CHSY3: variants seen among roughly 807,000 people sequenced by gnomAD.
The protein encoded by CHSY3 is chondroitin sulfate synthase 3, also known as N-acetylgalactosaminyl-proteoglycan 3-beta-glucuronosyltransferase 3.
A neutral mutation model predicts 67.2 loss-of-function variants in CHSY3; 35 were observed. The observed-to-expected ratio is 0.52, with a 90% CI of 0.40 to 0.69. The LOEUF (loss-of-function observed/expected upper bound fraction) is 0.69. Among genes scored for constraint, CHSY3 ranks in the 30% least tolerant of loss-of-function variants. The probability of loss-of-function intolerance (pLI) is 0.00; values close to 1 mark genes in which losing one functional copy is unlikely to be tolerated. For missense variants in CHSY3, 1,069 were observed against 1,138.5 expected (o/e 0.94, Z 0.88); for synonymous variants, 474 against 434.7 (o/e 1.09, Z -1.12).
Position 130,009,838 on chromosome 5 carries a change from C to T in CHSY3, c.1086+101478C>T, listed in dbSNP as rs1763996108. Among the ~76,000 whole-genome samples, 3 of 151,984 alleles carry T rather than the reference C, an allele frequency of 2.0e-5. No homozygotes were observed. The South Asian group carries it at 6.2e-4, about 31-fold the overall frequency. ...GAAAACATGAGGAAAGGTAGCTGTT[C>T]TAATTTCAGACAAAACAGATTTCAA... is the stretch of plus-strand genomic sequence containing the variant. On this transcript the variant is annotated intron_variant, in intron 2 of 2. Coordinates refer to ENST00000305031, the MANE Select transcript of CHSY3 (RefSeq NM_175856.5).
chr5:130,041,162 G>T (rs1018780867), intron 2 of CHSY3, among the ~76,000 whole-genome samples: 1 of 152,026 alleles, frequency 6.6e-6, no homozygotes, highest in African/African-American at 2.4e-5. Flanking sequence ...CCCCAAAAAA[G>T]TTACATGCCC....
At position 129,916,953 on chromosome 5, in the gene CHSY3, C is replaced by T. The variant is rs116714829; in HGVS notation, c.1086+8593C>T. 5.8e-4 allele frequency among the ~76,000 whole-genome samples: 88 copies of T among 152,010 alleles called. 1 individual carries two copies. Among genetic ancestry groups the T allele is most frequent in the African/African-American group, 2.1e-3 (86 of 41,404 alleles). Reference sequence around the variant, plus strand: ...TTTGGTACCTCTCTCAGAACTAGGACGAAATTATTCTTATTTGAGTTTTCT... The same window carrying T: ...TTTGGTACCTCTCTCAGAACTAGGATGAAATTATTCTTATTTGAGTTTTCT... On this transcript the variant is annotated intron_variant, in intron 2 of 2. Coordinates refer to ENST00000305031, the MANE Select transcript of CHSY3 (RefSeq NM_175856.5).
intron 2 of CHSY3, among the ~76,000 whole-genome samples, chr5:130,101,178 G>A (rs536642299): frequency 6.6e-6 from 1 of 151,160 alleles, no homozygotes; most frequent in African/African-American, 2.5e-5. Context: ...ACAAAATCTT[G>A]ATAAACCATC....
chr5:129,942,037 T>G (rs1477837361), intron 2 of CHSY3, among the ~76,000 whole-genome samples: 1 of 152,034 alleles, frequency 6.6e-6, no homozygotes, highest in African/African-American at 2.4e-5. Flanking sequence ...TCCTCTTGGG[T>G]TTTTATGGGA....
intron 2 of CHSY3, among the ~76,000 whole-genome samples, chr5:129,924,471 C>A (rs915348168): frequency 2.0e-5 from 3 of 151,882 alleles, no homozygotes; most frequent in South Asian, 2.1e-4. Context: ...CATGATGAAA[C>A]CCTGTCTCTA....
chr5:130,152,155 T>G (rs1398022843), intron 2 of CHSY3, among the ~76,000 whole-genome samples: 2 of 152,334 alleles, frequency 1.3e-5, no homozygotes, highest in East Asian at 3.9e-4. Flanking sequence ...GCACCCCAGC[T>G]GCATCTTCAC....
At chr5:130,056,697 G>A (rs1765540924) in intron 2 of CHSY3, among the ~76,000 whole-genome samples, 1 of 152,000 alleles carries the variant, frequency 6.6e-6, no homozygotes, top group South Asian at 2.1e-4. Context: ...TAGTGATTTA[G>A]ATCATGGATA....
intron 2 of CHSY3, among the ~76,000 whole-genome samples, chr5:130,023,926 C>A (rs1008834522): frequency 2.6e-5 from 4 of 151,842 alleles, no homozygotes; most frequent in African/African-American, 7.3e-5. Context: ...CCCCGCCCCC[C>A]CAATAGCTCT....
chr5:130,109,232 A>G (rs569337441), intron 2 of CHSY3, among the ~76,000 whole-genome samples: 1 of 151,868 alleles, frequency 6.6e-6, no homozygotes, highest in African/African-American at 2.4e-5. Context: ...TGCTTACAAA[A>G]TTGCCTCTTT....
chr5:130,037,200 T>C (rs1046353950), intron 2 of CHSY3, among the ~76,000 whole-genome samples: 1 of 152,124 alleles, frequency 6.6e-6, no homozygotes, highest in Non-Finnish European at 1.5e-5. Context: ...AACCCACCTC[T>C]TGACCTAGAA....
intron 2 of CHSY3, among the ~76,000 whole-genome samples, chr5:130,144,644 GA>G (rs956801386): frequency 2.6e-5 from 4 of 151,482 alleles, no homozygotes; most frequent in Admixed American, 6.6e-5. Context: ...CAGAGAAATG[GA>G]AAAAAAATCT....
At chr5:130,180,612 G>T (rs1288457649) in intron 2 of CHSY3, among the ~76,000 whole-genome samples, 1 of 152,070 alleles carries the variant, frequency 6.6e-6, no homozygotes, top group Non-Finnish European at 1.5e-5. Flanking sequence ...CCAGACCTTG[G>T]GAGGCTGAGG....
intron 2 of CHSY3, among the ~76,000 whole-genome samples, chr5:129,909,889 T>C (rs1280916195): frequency 6.6e-6 from 1 of 151,692 alleles, no homozygotes. Context: ...AGATGGGAAA[T>C]TATTGTGTTT....
chr5:130,007,444 TG>T (rs1334959617), intron 2 of CHSY3, among the ~76,000 whole-genome samples: 6 of 152,012 alleles, frequency 3.9e-5, no homozygotes, highest in African/African-American at 1.4e-4. Context: ...GATCCTGGGT[TG>T]AAGGGGGAGG....
At chr5:130,184,026 G>C (rs1770331994) in intron 2 of CHSY3, among the ~76,000 whole-genome samples, 1 of 151,460 alleles carries the variant, frequency 6.6e-6, no homozygotes, top group South Asian at 2.1e-4. Context: ...TACATGATAA[G>C]TACATGGAAT....
chr5:130,147,544 T>G (rs1769108223), intron 2 of CHSY3, among the ~76,000 whole-genome samples: 1 of 152,214 alleles, frequency 6.6e-6, no homozygotes, highest in Admixed American at 6.5e-5. Flanking sequence ...TAACAGCATA[T>G]GTGTATTAGG....
chr5:129,994,974 A>C (rs1042500008), intron 2 of CHSY3, among the ~76,000 whole-genome samples: 2 of 152,158 alleles, frequency 1.3e-5, no homozygotes, highest in Middle Eastern at 3.4e-3. Flanking sequence ...GTGCAGCACA[A>C]CAACATGGCA....
chr5:130,133,231 G>T (rs1255453230), intron 2 of CHSY3, among the ~76,000 whole-genome samples: 1 of 152,074 alleles, frequency 6.6e-6, no homozygotes, highest in Admixed American at 6.6e-5. Context: ...TAATGACATT[G>T]TTTCCATTAC....
intron 2 of CHSY3, among the ~76,000 whole-genome samples, chr5:129,924,015 G>T (rs1389586777): frequency 6.6e-6 from 1 of 152,086 alleles, no homozygotes; most frequent in African/African-American, 2.4e-5. Context: ...CACAGCCATA[G>T]AATTAAAAAG....
Sources: allele counts gnomAD v4.1 joint callset (sites outside exome capture counted in the v4.1 genomes callset), GRCh38; gene constraint gnomAD v4.1.1; transcripts MANE v1.5; gene names NCBI Gene and HGNC (gene_info 2026-07-23, HGNC 2026-07-21).